The following EXT1 variants were observed in gnomAD, a reference collection of about 807,000 sequenced individuals.
EXT1 encodes the protein exostosin-1.
EXT1 carries 20 observed loss-of-function variants against 82.5 expected under a neutral mutation model. The observed-to-expected ratio is 0.24, with a 90% confidence interval of 0.17 to 0.35. EXT1 has a LOEUF of 0.35. EXT1 is among the 10% of genes least tolerant of loss of function. The pLI is 1.00. For missense variants in EXT1, 757 were observed against 936.5 expected (o/e 0.81, Z 2.50); for synonymous variants, 348 against 350.8 (o/e 0.99, Z 0.09).
At chr8:118,087,912 C>G (rs1021708143) in intron 1 of EXT1, among the ~76,000 whole-genome samples, 1 of 143,586 alleles carries the variant, frequency 7.0e-6, no homozygotes, top group Non-Finnish European at 1.5e-5. Flanking sequence ...AAATACCAGA[C>G]GCCTATTTGT....
At chr8:117,847,207 T>C (rs892434280) in intron 1 of EXT1, among the ~76,000 whole-genome samples, 1 of 152,188 alleles carries the variant, frequency 6.6e-6, no homozygotes, top group Non-Finnish European at 1.5e-5. Context: ...ATAACAAAGA[T>C]AAGATGCAAG....
intron 1 of EXT1, among the ~76,000 whole-genome samples, chr8:117,915,162 A>T (rs1813723344): frequency 6.6e-6 from 1 of 152,198 alleles, no homozygotes; most frequent in Non-Finnish European, 1.5e-5. Flanking sequence ...CTTTTGGAAG[A>T]TAGAAAGAAT....
At chr8:118,079,655 G>GCCCCCA (rs1194558990) in intron 1 of EXT1, among the ~76,000 whole-genome samples, 1 of 141,836 alleles carries the variant, frequency 7.1e-6, no homozygotes, top group Non-Finnish European at 1.5e-5. Flanking sequence ...TTCTAACACC[G>GCCCCCA]CCCCCACCCC....
chr8:118,055,333 T>C (rs1046272782), intron 1 of EXT1, among the ~76,000 whole-genome samples: 2 of 152,246 alleles, frequency 1.3e-5, no homozygotes, highest in African/African-American at 4.8e-5. Flanking sequence ...CTTTTATTGC[T>C]GAATATTATT....
At chr8:118,070,269 T>C (rs1448312534) in intron 1 of EXT1, among the ~76,000 whole-genome samples, 1 of 142,064 alleles carries the variant, frequency 7.0e-6, no homozygotes, top group Non-Finnish European at 1.5e-5. Context: ...TGTGTGTGTG[T>C]GTGTGTGCAT....
intron 1 of EXT1, among the ~76,000 whole-genome samples, chr8:117,986,674 A>T (rs1304416478): frequency 6.6e-6 from 1 of 152,222 alleles, no homozygotes; most frequent in Non-Finnish European, 1.5e-5. Flanking sequence ...AAAGCTATAC[A>T]TTGGTGCTAG....
At chr8:117,947,959 A>G (rs569427643) in intron 1 of EXT1, among the ~76,000 whole-genome samples, 3 of 152,272 alleles carry the variant, frequency 2.0e-5, no homozygotes, top group East Asian at 1.9e-4. Flanking sequence ...CCCAACTGCT[A>G]TCAGAGAACA....
intron 1 of EXT1, among the ~76,000 whole-genome samples, chr8:118,044,483 T>C (rs1406575891): frequency 1.3e-5 from 2 of 152,064 alleles, no homozygotes; most frequent in African/African-American, 4.8e-5. Context: ...TCATAGCTCA[T>C]TGCAACCGCC....
In EXT1 at chr8:118,107,332, T is replaced by C. The variant is rs77893222; in HGVS notation, c.962+2753A>G. On this transcript the variant is annotated intron_variant, in intron 1 of 10. Transcript: ENST00000378204. ...TGCTAATAAGCTAGATGGAAACTGA[T>C]TGTGTTTTTACAAGCTATTACCAAA... is the stretch of plus-strand genomic sequence containing the variant. Among the ~76,000 whole-genome samples, 1,180 of 152,236 alleles carry C rather than the reference T, an allele frequency of 7.8e-3. 17 individuals carry two copies. Among genetic ancestry groups the C allele is most frequent in the African/African-American group, 0.026 (1,095 of 41,530 alleles).
At position 117,866,756 on chromosome 8, in the gene EXT1, T is replaced by G. The variant is rs112465905; in HGVS notation, c.963-29555A>C. On this transcript the variant is annotated intron_variant, in intron 1 of 10. Coordinates refer to ENST00000378204, the MANE Select transcript of EXT1 (RefSeq NM_000127.3). Reference sequence around the variant, plus strand: ...TGTCTGAAACTATTTTCAGGTTGTATGAATCTTTGTCTAGGAATTTGCTTC... The same window carrying G: ...TGTCTGAAACTATTTTCAGGTTGTAGGAATCTTTGTCTAGGAATTTGCTTC... Among the ~76,000 whole-genome samples the G allele has an allele frequency of 4.1e-4, 58 of 141,212 alleles. 1 individual carries two copies. The highest frequency in any genetic ancestry group is 1.3e-3 in the African/African-American group (50 of 37,618). 92.6% of individuals were successfully genotyped at this position (141,212 alleles called of 152,430 possible).
At chr8:117,994,336 GCACAGTTGCT>G (rs764653927) in intron 1 of EXT1, among the ~76,000 whole-genome samples, 6 of 152,188 alleles carry the variant, frequency 3.9e-5, no homozygotes, top group Non-Finnish European at 5.9e-5. Flanking sequence ...GATCAGCTGG[GCACAGTTGCT>G]CACACCTGTA....
chr8:117,864,513 G>A (rs2129872827), intron 1 of EXT1, among the ~76,000 whole-genome samples: 1 of 152,318 alleles, frequency 6.6e-6, no homozygotes, highest in East Asian at 1.9e-4. Context: ...ACTTTGGGAG[G>A]CCGAGGCGGG....
chr8:117,931,273 C>T (rs1319158453), intron 1 of EXT1, among the ~76,000 whole-genome samples: 1 of 152,198 alleles, frequency 6.6e-6, no homozygotes, highest in Non-Finnish European at 1.5e-5. Flanking sequence ...TCTCACTTGG[C>T]GTCTAGATGG....
chr8:117,919,062 C>T (rs1030733302), intron 1 of EXT1, among the ~76,000 whole-genome samples: 3 of 152,126 alleles, frequency 2.0e-5, no homozygotes, highest in African/African-American at 7.2e-5. Context: ...CCTGTGGAGA[C>T]CTTTGTTTTA....
chr8:118,026,350 T>G (rs1284363202), intron 1 of EXT1, among the ~76,000 whole-genome samples: 1 of 152,218 alleles, frequency 6.6e-6, no homozygotes, highest in Non-Finnish European at 1.5e-5. Context: ...GCAAAGTTTG[T>G]GGCATGCTGT....
chr8:117,870,076 T>A (rs185925129), intron 1 of EXT1, among the ~76,000 whole-genome samples: 4 of 152,228 alleles, frequency 2.6e-5, no homozygotes. Context: ...GTTTCTGTAG[T>A]TTTAAGACTT....
chr8:118,051,210 C>A (rs750604936), intron 1 of EXT1, among the ~76,000 whole-genome samples: 31 of 151,764 alleles, frequency 2.0e-4, no homozygotes, highest in Non-Finnish European at 4.3e-4. Context: ...GGTGGCATGC[C>A]CCTGTAGTCC....
At chr8:118,012,068 C>T (rs1277243408) in intron 1 of EXT1, among the ~76,000 whole-genome samples, 2 of 152,208 alleles carry the variant, frequency 1.3e-5, no homozygotes, top group Non-Finnish European at 2.9e-5. Flanking sequence ...CTTCACACAG[C>T]AAGAACTACC....
intron 1 of EXT1, among the ~76,000 whole-genome samples, chr8:117,900,044 C>T (rs191965262): frequency 2.0e-5 from 3 of 152,304 alleles, no homozygotes; most frequent in East Asian, 1.9e-4. Flanking sequence ...GGTGACTACA[C>T]GGAGGTCCCT....
Sources: gnomAD v4.1 joint callset for allele counts (sites outside exome capture counted in the v4.1 genomes callset) on GRCh38, gnomAD v4.1.1 for gene constraint, MANE v1.5 for transcripts, NCBI Gene and HGNC (gene_info 2026-07-23, HGNC 2026-07-21) for gene names.